COP1: variants seen among roughly 807,000 people sequenced by gnomAD.
The protein encoded by COP1 is COP1 E3 ubiquitin ligase, also known as E3 ubiquitin-protein ligase COP1.
In COP1, 24 loss-of-function variants were observed where a neutral mutation model predicts 101.3. The observed-to-expected ratio is 0.24, with a 90% CI of 0.17 to 0.33. The LOEUF (loss-of-function observed/expected upper bound fraction) is 0.33. COP1 is among the 10% of genes least tolerant of loss of function. The pLI is 1.00. For synonymous variants in COP1, 347 were observed against 341.9 expected (o/e 1.01, Z -0.17); for missense variants, 663 against 906.2 (o/e 0.73, Z 3.45).
At chr1:176,003,511 T>G (rs1038753452) in intron 15 of COP1, among the ~76,000 whole-genome samples, 1 of 151,866 alleles carries the variant, frequency 6.6e-6, no homozygotes, top group Admixed American at 6.6e-5. Flanking sequence ...TTAATCCATC[T>G]TGAATTGATT....
chr1:175,986,372 G>A (rs1657133509), intron 18 of COP1, among the ~76,000 whole-genome samples: 1 of 152,122 alleles, frequency 6.6e-6, no homozygotes, highest in South Asian at 2.1e-4. Flanking sequence ...TAAAACATAA[G>A]TGAAAAGTTT....
intron 9 of COP1, among the ~76,000 whole-genome samples, chr1:176,097,897 A>AATTGGCCT (rs1427109621): frequency 6.6e-6 from 1 of 150,866 alleles, no homozygotes; most frequent in East Asian, 1.9e-4. Context: ...AGCTCTAATT[A>AATTGGCCT]ATTGGCCTAA....
chr1:176,173,335 A>C (rs1696391020), intron 3 of COP1, among the ~76,000 whole-genome samples: 1 of 148,674 alleles, frequency 6.7e-6, no homozygotes, highest in African/African-American at 2.5e-5. Context: ...AAAAAAAAAA[A>C]AAAAAAAAAC....
chr1:175,967,869 T>C (rs1277997131), intron 18 of COP1, among the ~76,000 whole-genome samples: 1 of 152,082 alleles, frequency 6.6e-6, no homozygotes, highest in Non-Finnish European at 1.5e-5. Context: ...ATAATATTTC[T>C]TTTTTCTTTT....
chr1:176,187,014 A>G (rs993624996), intron 1 of COP1, among the ~76,000 whole-genome samples: 3 of 152,208 alleles, frequency 2.0e-5, no homozygotes, highest in African/African-American at 7.2e-5. Flanking sequence ...GTCATGTCAC[A>G]TAATGTGTTC....
intron 6 of COP1, among the ~76,000 whole-genome samples, chr1:176,146,219 C>G (rs1371028854): frequency 1.3e-5 from 2 of 152,090 alleles, no homozygotes; most frequent in African/African-American, 2.4e-5. Context: ...AGAAGACTGG[C>G]TTTTACATGG....
chr1:176,168,740 G>C, intron 3 of COP1: 1 of 339,768 alleles, frequency 2.9e-6, no homozygotes, highest in Non-Finnish European at 6.0e-6. Context: ...AGCAGACAGA[G>C]TATGCACACT....
At chr1:176,019,387 T>C (rs1242672118) in intron 15 of COP1, among the ~76,000 whole-genome samples, 5 of 150,696 alleles carry the variant, frequency 3.3e-5, no homozygotes, top group Non-Finnish European at 7.4e-5. Flanking sequence ...CACTTGAACC[T>C]GGGAGGCGGA....
At chr1:176,093,297 TAA>T (rs1681687601) in intron 9 of COP1, among the ~76,000 whole-genome samples, 1 of 152,214 alleles carries the variant, frequency 6.6e-6, no homozygotes, top group South Asian at 2.1e-4. Flanking sequence ...GCCAGTTCCA[TAA>T]AAGTTTTGCT....
At chr1:175,995,818 A>G (rs1284383804) in intron 15 of COP1, among the ~76,000 whole-genome samples, 1 of 152,238 alleles carries the variant, frequency 6.6e-6, no homozygotes, top group Admixed American at 6.5e-5. Flanking sequence ...TACCAGAGGT[A>G]CAAGGAGGAA....
intron 14 of COP1, among the ~76,000 whole-genome samples, chr1:176,030,828 A>T (rs1668537653): frequency 6.6e-6 from 1 of 152,214 alleles, no homozygotes; most frequent in Admixed American, 6.5e-5. Context: ...GTACTTGTGA[A>T]CATCACCTTA....
At chr1:176,067,402 G>A (rs915291436) in intron 11 of COP1, among the ~76,000 whole-genome samples, 16 of 152,078 alleles carry the variant, frequency 1.1e-4, no homozygotes, top group African/African-American at 3.4e-4. Context: ...TAAAAACTCC[G>A]ACACCCTAGT....
intron 18 of COP1, among the ~76,000 whole-genome samples, chr1:175,956,734 A>G (rs1276612394): frequency 6.6e-6 from 1 of 152,186 alleles, no homozygotes; most frequent in African/African-American, 2.4e-5. Flanking sequence ...TTATTGTACT[A>G]TACTTCTTAA....
At chr1:176,198,864 T>C (rs1048864024) in intron 1 of COP1, among the ~76,000 whole-genome samples, 3 of 152,088 alleles carry the variant, frequency 2.0e-5, no homozygotes, top group African/African-American at 7.2e-5. Context: ...ATATGTTACA[T>C]AACAATGTGA....
At chr1:176,021,959 T>C (rs889810178) in intron 15 of COP1, among the ~76,000 whole-genome samples, 1 of 152,246 alleles carries the variant, frequency 6.6e-6, no homozygotes, top group Non-Finnish European at 1.5e-5. Flanking sequence ...ACATCTTTAT[T>C]ATCTTTTAAT....
chr1:176,128,330 G>C (rs1688369567), intron 8 of COP1, among the ~76,000 whole-genome samples: 1 of 152,046 alleles, frequency 6.6e-6, no homozygotes, highest in South Asian at 2.1e-4. Context: ...AGAAATTACA[G>C]GTGTATGAAG....
chr1:176,076,086 G>A (rs867298840), intron 11 of COP1, among the ~76,000 whole-genome samples: 5 of 148,662 alleles, frequency 3.4e-5, no homozygotes, highest in Admixed American at 6.7e-5. Context: ...GAACACTAAC[G>A]AAATTCTGGA....
chr1:176,114,438 G>C (rs1422188809), intron 9 of COP1, among the ~76,000 whole-genome samples: 1 of 152,108 alleles, frequency 6.6e-6, no homozygotes, highest in Non-Finnish European at 1.5e-5. Context: ...AAACAGAAGT[G>C]ATATAATCCA....
At chr1:175,995,451 T>C (rs1659891776) in intron 15 of COP1, among the ~76,000 whole-genome samples, 1 of 152,054 alleles carries the variant, frequency 6.6e-6, no homozygotes, top group African/African-American at 2.4e-5. Context: ...AATTAATGAA[T>C]CCAGGAGCTG....
Sources: allele counts gnomAD v4.1 joint callset (sites outside exome capture counted in the v4.1 genomes callset), GRCh38; gene constraint gnomAD v4.1.1; transcripts MANE v1.5; gene names NCBI Gene and HGNC (gene_info 2026-07-23, HGNC 2026-07-21).